CSMD3: variants seen among roughly 807,000 people sequenced by gnomAD.
CSMD3 encodes CUB and sushi domain-containing protein 3.
CSMD3 carries 177 observed loss-of-function variants against 435.2 expected under a neutral mutation model. The ratio of observed to expected loss-of-function variants is 0.41; its 90% confidence interval spans 0.36 to 0.46. CSMD3 has a LOEUF of 0.46. Among genes scored for constraint, CSMD3 ranks in the 20% least tolerant of loss-of-function variants. The pLI is 0.34. For missense variants in CSMD3, 4,265 were observed against 4,504.6 expected (o/e 0.95, Z 1.52); for synonymous variants, 1,656 against 1,520.5 (o/e 1.09, Z -2.07).
At chr8:113,068,469 A>G (rs1237404220) in intron 5 of CSMD3, among the ~76,000 whole-genome samples, 2 of 152,144 alleles carry the variant, frequency 1.3e-5, no homozygotes, top group Admixed American at 6.6e-5. Flanking sequence ...CTATGATTTA[A>G]AGTCTCCAAA....
At chr8:112,541,163 T>G (rs1826625159) in intron 27 of CSMD3, among the ~76,000 whole-genome samples, 1 of 151,772 alleles carries the variant, frequency 6.6e-6, no homozygotes, top group Non-Finnish European at 1.5e-5. Flanking sequence ...TTCATAGCAA[T>G]AAACACCTAC....
At chr8:112,582,235 G>A (rs975023759) in intron 23 of CSMD3, among the ~76,000 whole-genome samples, 14 of 151,902 alleles carry the variant, frequency 9.2e-5, no homozygotes, top group African/African-American at 2.7e-4. Context: ...TTCTCACCAC[G>A]TAAAACACCA....
chr8:112,851,093 T>C (rs1225416050), intron 11 of CSMD3, among the ~76,000 whole-genome samples: 1 of 152,214 alleles, frequency 6.6e-6, no homozygotes, highest in Non-Finnish European at 1.5e-5. Context: ...AATTTTATTA[T>C]TGGATATGCT....
intron 2 of CSMD3, chr8:113,310,459 A>T (rs1396327816): frequency 6.6e-6 from 1 of 151,974 alleles, no homozygotes; most frequent in Non-Finnish European, 1.5e-5. Flanking sequence ...TTTTTGTCAC[A>T]AAAAGGAAAT....
intron 4 of CSMD3, among the ~76,000 whole-genome samples, chr8:113,101,779 T>C (rs2090337285): frequency 6.6e-6 from 1 of 152,110 alleles, no homozygotes; most frequent in Admixed American, 6.6e-5. Context: ...CTGTTTAATT[T>C]GTTTGTTATG....
chr8:112,625,167 A>G (rs1257415775), intron 22 of CSMD3, among the ~76,000 whole-genome samples: 1 of 152,080 alleles, frequency 6.6e-6, no homozygotes, highest in African/African-American at 2.4e-5. Flanking sequence ...ATAAGGTGGC[A>G]TGCCCAGATT....
At chr8:113,240,466 T>A (rs1018822316) in intron 3 of CSMD3, among the ~76,000 whole-genome samples, 3 of 152,134 alleles carry the variant, frequency 2.0e-5, no homozygotes, top group Non-Finnish European at 4.4e-5. Context: ...TAATTTACAC[T>A]CCTACCGAAA....
intron 4 of CSMD3, among the ~76,000 whole-genome samples, chr8:113,150,924 C>T (rs1200566870): frequency 1.3e-5 from 2 of 151,838 alleles, no homozygotes; most frequent in African/African-American, 4.8e-5. Flanking sequence ...CTGAAATAAG[C>T]ACAGTCCATA....
At chr8:113,135,301 GT>G in intron 4 of CSMD3, among the ~76,000 whole-genome samples, 1 of 151,986 alleles carries the variant, frequency 6.6e-6, no homozygotes, top group East Asian at 1.9e-4. Flanking sequence ...AATTATTTCA[GT>G]TTAGATGCAC....
intron 38 of CSMD3, among the ~76,000 whole-genome samples, chr8:112,374,974 A>C (rs1242436403): frequency 2.6e-5 from 4 of 152,188 alleles, no homozygotes; most frequent in Non-Finnish European, 4.4e-5. Flanking sequence ...AAACTAACAG[A>C]TTAAACGCCA....
chr8:112,442,998 G>A (rs1815205157), intron 32 of CSMD3, among the ~76,000 whole-genome samples: 1 of 151,978 alleles, frequency 6.6e-6, no homozygotes, highest in South Asian at 2.1e-4. Context: ...GGGTCTCTAG[G>A]GTGTACTTTC....
chr8:113,307,765 A>C (rs1190519424), intron 2 of CSMD3, among the ~76,000 whole-genome samples: 1 of 152,204 alleles, frequency 6.6e-6, no homozygotes, highest in Non-Finnish European at 1.5e-5. Flanking sequence ...GCACATGCTC[A>C]ATATTATTAG....
chr8:113,386,616 C>T (rs2094440316), intron 1 of CSMD3, among the ~76,000 whole-genome samples: 1 of 151,598 alleles, frequency 6.6e-6, no homozygotes, highest in Admixed American at 6.6e-5. Context: ...AAGCCAAAGC[C>T]TAAAGATACT....
At chr8:112,487,924 T>C (rs896436455) in intron 31 of CSMD3, among the ~76,000 whole-genome samples, 1 of 152,224 alleles carries the variant, frequency 6.6e-6, no homozygotes, top group African/African-American at 2.4e-5. Flanking sequence ...TACAGAGTTT[T>C]AAAAGATACT....
At position 112,470,311 on chromosome 8, in the gene CSMD3, G is replaced by T. The variant is rs115229598; in HGVS notation, c.5395+2280C>A. ...TTTAATTTAACCTTTTTCGGGGGTG[G>T]AAGAGGGGATAGGGGAAGTTTTATA... is the stretch of plus-strand genomic sequence containing the variant. On this transcript the variant is annotated intron_variant, in intron 32 of 70. Transcript: ENST00000297405. Among the ~76,000 whole-genome samples the T allele has an allele frequency of 5.7e-3, 870 of 152,228 alleles. 13 individuals are homozygous for T. Among genetic ancestry groups the T allele is most frequent in the African/African-American group, 0.02 (831 of 41,542 alleles).
At chr8:112,462,082 C>T (rs373116264) in intron 32 of CSMD3, among the ~76,000 whole-genome samples, 34 of 152,298 alleles carry the variant, frequency 2.2e-4, no homozygotes, top group Admixed American at 5.2e-4. Flanking sequence ...TAGAGGCAAA[C>T]GACTGCAATC....
chr8:113,387,254 G>A (rs1241217327), intron 1 of CSMD3, among the ~76,000 whole-genome samples: 7 of 151,742 alleles, frequency 4.6e-5, no homozygotes, highest in Non-Finnish European at 8.9e-5. Context: ...ATCACAATAA[G>A]TGACCTCATA....
intron 22 of CSMD3, among the ~76,000 whole-genome samples, chr8:112,591,211 A>T (rs760945664): frequency 6.6e-6 from 1 of 152,106 alleles, no homozygotes. Context: ...AAATGTACAG[A>T]TTAAGATATC....
chr8:113,414,930 C>T (rs887951792), intron 1 of CSMD3, among the ~76,000 whole-genome samples: 1 of 152,006 alleles, frequency 6.6e-6, no homozygotes, highest in Admixed American at 6.6e-5. Flanking sequence ...TGTGCCACTG[C>T]GCTCCAGCCT....
Sources: allele counts gnomAD v4.1 joint callset (sites outside exome capture counted in the v4.1 genomes callset), GRCh38; gene constraint gnomAD v4.1.1; transcripts MANE v1.5; gene names NCBI Gene and HGNC (gene_info 2026-07-23, HGNC 2026-07-21).